PCDHGB2: variants seen among roughly 807,000 people sequenced by gnomAD.
PCDHGB2 encodes protocadherin gamma subfamily B, 2.
A neutral mutation model predicts 59.3 loss-of-function variants in PCDHGB2; 55 were observed. The observed-to-expected ratio is 0.93, with a 90% CI of 0.75 to 1.16. The LOEUF is 1.16. Among genes scored for constraint, PCDHGB2 ranks in the 50% most tolerant of loss-of-function variants. The pLI, the probability that PCDHGB2 is intolerant of heterozygous loss-of-function variation, is 0.00. For missense variants in PCDHGB2, 1,228 were observed against 1,198.5 expected (o/e 1.02, Z -0.36); for synonymous variants, 516 against 512.0 (o/e 1.01, Z -0.11).
intron 1 of PCDHGB2, among the ~76,000 whole-genome samples, chr5:141,443,720 T>G (rs1349609652): frequency 2.6e-5 from 4 of 152,156 alleles, no homozygotes; most frequent in Non-Finnish European, 5.9e-5. Flanking sequence ...CATATAAAAT[T>G]CCTCATACAT....
Position 141,409,599 on chromosome 5 carries a change from C to A in PCDHGB2, c.2421+47043C>A, listed in dbSNP as rs753753955. The A allele has an allele frequency of 9.9e-6, 16 of 1,613,822 alleles. No individual in the cohort carries two copies. The Admixed American group carries it at 2.2e-4, about 22-fold the overall frequency. ...GTGGTCCACGTGGCCGAGAACAACC[C>A]GCCAGGAGCCTCCATTGCGCAAGTG... On this transcript the variant is annotated intron_variant, in intron 1 of 3. Transcript: ENST00000522605.
At chr5:141,430,947 G>T (rs1169662602) in intron 1 of PCDHGB2, 1 of 1,610,002 alleles carries the variant, frequency 6.2e-7, no homozygotes, top group Non-Finnish European at 8.5e-7. Flanking sequence ...GCGGAGCGCG[G>T]AGTCCGCATC....
At chr5:141,456,815 T>A (rs867637586) in intron 1 of PCDHGB2, among the ~76,000 whole-genome samples, 5 of 151,934 alleles carry the variant, frequency 3.3e-5, no homozygotes, top group Non-Finnish European at 7.4e-5. Flanking sequence ...ATACAAAAAA[T>A]TAGCCATCGT....
At chr5:141,406,346 G>C (rs1296474677) in intron 1 of PCDHGB2, among the ~76,000 whole-genome samples, 1 of 152,092 alleles carries the variant, frequency 6.6e-6, no homozygotes, top group Non-Finnish European at 1.5e-5. Flanking sequence ...ATTTATTCAG[G>C]TCATACTATG....
At chr5:141,502,768 T>C (rs1389860952) in intron 2 of PCDHGB2, among the ~76,000 whole-genome samples, 1 of 152,154 alleles carries the variant, frequency 6.6e-6, no homozygotes, top group East Asian at 1.9e-4. Context: ...GCTGGTATTC[T>C]TCTGAAAATT....
rs1241912384 is a variant in PCDHGB2 at position 141,404,765 on chromosome 5, T to C, written c.2421+42209T>C. ...AGACTCAGGCCAGAATGCTTGGCTC[T>C]CCTACCGCCTATTCAAGGCCAGTGA... On this transcript the variant is annotated intron_variant, in intron 1 of 3. Coordinates refer to ENST00000522605, the MANE Select transcript of PCDHGB2 (RefSeq NM_018923.3). 2.5e-6 allele frequency: 4 copies of C among 1,613,120 alleles called. No individual in the cohort carries two copies. The Admixed American group carries it at 6.7e-5, about 27-fold the overall frequency.
chr5:141,489,287 T>C lies in PCDHGB2; in HGVS notation c.2422-5520T>C. 1 of 1,573,410 alleles carries C rather than the reference T, an allele frequency of 6.4e-7. No individual in the cohort carries two copies. Among genetic ancestry groups the C allele is most frequent in the Non-Finnish European group, 8.6e-7 (1 of 1,159,858 alleles). ...CAGCTCGCTGGGAAATGGCAAGTGC[T>C]GTGCATGTTGTCCTTGTGCTGCTGG... On this transcript the variant is annotated intron_variant, in intron 1 of 3. Transcript: ENST00000522605. The surrounding 1 kb of genome is among the most constrained non-coding windows in gnomAD (Gnocchi z 4.5).
intron 1 of PCDHGB2, chr5:141,428,275 G>A (rs566455986): frequency 6.5e-6 from 5 of 767,218 alleles, no homozygotes; most frequent in African/African-American, 3.4e-5. Context: ...TGTGCCCTCT[G>A]ATTCCCAAGC....
chr5:141,409,205 A>T, intron 1 of PCDHGB2: 1 of 1,614,068 alleles, frequency 6.2e-7, no homozygotes, highest in African/African-American at 1.3e-5. Context: ...TAAAGTAATC[A>T]TAGAAATCCT....
intron 1 of PCDHGB2, among the ~76,000 whole-genome samples, chr5:141,482,811 C>T (rs1397161943): frequency 2.0e-5 from 3 of 152,164 alleles, no homozygotes; most frequent in Non-Finnish European, 4.4e-5. Context: ...GTGGCTCATG[C>T]CTGTAATCCT....
intron 2 of PCDHGB2, among the ~76,000 whole-genome samples, chr5:141,497,016 C>G (rs1384415729): frequency 6.6e-6 from 1 of 152,056 alleles, no homozygotes; most frequent in East Asian, 1.9e-4. Context: ...TGGTGAAACC[C>G]CATCTCGATT....
chr5:141,477,189 A>G lies in PCDHGB2; in HGVS notation c.2422-17618A>G, dbSNP rs377372902. ...CCGGAGATCACAGTCACCTCCGTGT[A>G]CAGCCCAGTACCCGAGGATGCCCCT... On this transcript the variant is annotated intron_variant, in intron 1 of 3. Coordinates refer to ENST00000522605, the MANE Select transcript of PCDHGB2 (RefSeq NM_018923.3). The surrounding 1 kb of genome is among the most constrained non-coding windows in gnomAD (Gnocchi z 4.9). 6.2e-7 allele frequency: 1 copy of G among 1,614,070 alleles called. No homozygotes were observed. The highest frequency in any genetic ancestry group is 8.5e-7 in the Non-Finnish European group (1 of 1,180,040).
chr5:141,476,233 G>A lies in PCDHGB2; in HGVS notation c.2422-18574G>A, dbSNP rs1162067190. ...CGGTCATTCACTATGAGATCCCGGA[G>A]GAAAGAGAGAAGGGTTTCGCTGTGG... On this transcript the variant is annotated intron_variant, in intron 1 of 3. Coordinates refer to ENST00000522605, the MANE Select transcript of PCDHGB2 (RefSeq NM_018923.3). The surrounding 1 kb of genome is among the most constrained non-coding windows in gnomAD (Gnocchi z 7.6). The A allele has an allele frequency of 3.1e-6, 5 of 1,613,996 alleles. No homozygotes were observed. Among genetic ancestry groups the A allele is most frequent in the African/African-American group, 2.7e-5 (2 of 74,894 alleles).
chr5:141,430,996 G>T, intron 1 of PCDHGB2: 1 of 1,614,024 alleles, frequency 6.2e-7, no homozygotes, highest in Middle Eastern at 1.6e-4. Flanking sequence ...CCCTGAATCC[G>T]CGCAGCGGCA....
intron 1 of PCDHGB2, chr5:141,398,258 G>T (rs756489359): frequency 2.1e-6 from 3 of 1,454,654 alleles, no homozygotes; most frequent in Non-Finnish European, 2.8e-6. Context: ...ATGCCCAAGG[G>T]CTCCGTAGTG....
intron 1 of PCDHGB2, chr5:141,433,151 G>T (rs2097572071): frequency 1.2e-6 from 2 of 1,614,006 alleles, no homozygotes; most frequent in African/African-American, 1.3e-5. Context: ...AGGTGATTCG[G>T]TATTTTCTAA....
intron 1 of PCDHGB2, among the ~76,000 whole-genome samples, chr5:141,455,419 G>A (rs1462099602): frequency 6.6e-6 from 1 of 152,124 alleles, no homozygotes; most frequent in Non-Finnish European, 1.5e-5. Context: ...AGGGAGCGGG[G>A]CTCCAAAAGA....
intron 1 of PCDHGB2, chr5:141,366,561 A>G (rs903477065): frequency 3.1e-6 from 5 of 1,614,210 alleles, no homozygotes; most frequent in Admixed American, 1.7e-5. Context: ...GTGGGCGTGG[A>G]TGGGGTTCGG....
intron 1 of PCDHGB2, among the ~76,000 whole-genome samples, chr5:141,457,319 G>A (rs914658873): frequency 7.9e-5 from 12 of 152,086 alleles, no homozygotes; most frequent in East Asian, 3.8e-4. Flanking sequence ...AGAAACCTCC[G>A]GGTTACAGGT....
Sources: allele counts gnomAD v4.1 joint callset (sites outside exome capture counted in the v4.1 genomes callset), GRCh38; gene constraint gnomAD v4.1.1; non-coding constraint Gnocchi (gnomAD v3.1); transcripts MANE v1.5; gene names NCBI Gene and HGNC (gene_info 2026-07-23, HGNC 2026-07-21).